SDCCAG8: variants seen among roughly 807,000 people sequenced by gnomAD.
The protein encoded by SDCCAG8 is SHH signaling and ciliogenesis regulator SDCCAG8.
In SDCCAG8, 74 loss-of-function variants were observed where a neutral mutation model predicts 101.8. That is an observed-to-expected ratio of 0.73 (90% CI 0.60 to 0.88). The LOEUF (loss-of-function observed/expected upper bound fraction) is 0.88, where lower values mean the gene tolerates loss of function less well. SDCCAG8 is among the 40% of genes least tolerant of loss of function. The probability of loss-of-function intolerance (pLI) is 0.00; values close to 1 mark genes in which losing one functional copy is unlikely to be tolerated. For synonymous variants in SDCCAG8, 281 were observed against 292.9 expected, an observed-to-expected ratio of 0.96 and a Z score of 0.41; for missense variants, 787 against 822.6, an observed-to-expected ratio of 0.96 and a Z score of 0.53.
At chr1:243,494,097 C>T (rs3006927) in intron 17 of SDCCAG8, among the ~76,000 whole-genome samples, 127,856 of 152,204 alleles carry the variant, frequency 0.84, 53,907 homozygotes, top group Admixed American at 0.9. Flanking sequence ...AGACAGATGG[C>T]GCTTGAATAG....
chr1:243,408,012 A>C (rs763302547), intron 13 of SDCCAG8, among the ~76,000 whole-genome samples: 2 of 152,206 alleles, frequency 1.3e-5, no homozygotes, highest in Non-Finnish European at 2.9e-5. Flanking sequence ...GGAAGACATC[A>C]TGCTGTCTAC....
intron 10 of SDCCAG8, among the ~76,000 whole-genome samples, chr1:243,336,651 G>A (rs555013425): frequency 6.6e-6 from 1 of 152,242 alleles, no homozygotes; most frequent in South Asian, 2.1e-4. Context: ...AAACTGCCCC[G>A]ACGATCCAAT....
chr1:243,267,959 C>T, intron 1 of SDCCAG8: 8 of 785,258 alleles, frequency 1.0e-5, no homozygotes, highest in Middle Eastern at 2.4e-4. Flanking sequence ...GCAAAATAAT[C>T]AGGAAAGGTG....
chr1:243,456,607 T>G (rs565841284), intron 16 of SDCCAG8, among the ~76,000 whole-genome samples: 162 of 152,294 alleles, frequency 1.1e-3, no homozygotes, highest in African/African-American at 3.8e-3. Context: ...TTTGCTTTTA[T>G]TTTTATACCA....
At chr1:243,402,143 G>T (rs1050871654) in intron 13 of SDCCAG8, among the ~76,000 whole-genome samples, 41 of 152,048 alleles carry the variant, frequency 2.7e-4, no homozygotes, top group Non-Finnish European at 2.2e-4. Context: ...AAAAGTAAAA[G>T]GAGGCTGGGC....
intron 13 of SDCCAG8, among the ~76,000 whole-genome samples, chr1:243,400,830 C>G (rs1464113777): frequency 1.3e-5 from 2 of 152,118 alleles, no homozygotes. Flanking sequence ...TTTAGGCAAT[C>G]TCCTGCCAGG....
At chr1:243,407,534 G>A (rs891871517) in intron 13 of SDCCAG8, among the ~76,000 whole-genome samples, 1 of 152,204 alleles carries the variant, frequency 6.6e-6, no homozygotes, top group Admixed American at 6.5e-5. Context: ...TTGTGCATAT[G>A]TAATAGAAAC....
intron 16 of SDCCAG8, among the ~76,000 whole-genome samples, chr1:243,473,922 C>A (rs9428964): frequency 5.1e-4 from 4 of 7,782 alleles, no homozygotes; most frequent in Non-Finnish European, 1.0e-3. Context: ...GAGTTGCCGG[C>A]GGGGGGGGGG....
At chr1:243,477,192 A>G (rs1036597799) in intron 16 of SDCCAG8, among the ~76,000 whole-genome samples, 1 of 152,228 alleles carries the variant, frequency 6.6e-6, no homozygotes, top group African/African-American at 2.4e-5. Context: ...GGACGGCTTT[A>G]GGGTGAGGTA....
intron 13 of SDCCAG8, among the ~76,000 whole-genome samples, chr1:243,389,394 A>G (rs1410573532): frequency 2.0e-5 from 3 of 152,172 alleles, no homozygotes; most frequent in Non-Finnish European, 4.4e-5. Flanking sequence ...AAGCACAGCT[A>G]AATCTCTAGC....
At chr1:243,356,116 G>T (rs1183655439) in intron 12 of SDCCAG8, among the ~76,000 whole-genome samples, 1 of 152,168 alleles carries the variant, frequency 6.6e-6, no homozygotes, top group Non-Finnish European at 1.5e-5. Flanking sequence ...GCTATGCAAG[G>T]TTTTATATAA....
At chr1:243,429,695 A>ATTTT (rs796450909) in intron 16 of SDCCAG8, among the ~76,000 whole-genome samples, 36 of 92,914 alleles carry the variant, frequency 3.9e-4, no homozygotes, top group African/African-American at 7.0e-4. Flanking sequence ...TGCTCTGCTA[A>ATTTT]TTTTTTTTTT....
At chr1:243,483,080 C>T (rs1664069676) in intron 16 of SDCCAG8, among the ~76,000 whole-genome samples, 1 of 152,198 alleles carries the variant, frequency 6.6e-6, no homozygotes, top group South Asian at 2.1e-4. Context: ...CAAGAAATTG[C>T]ACTCTCTCAA....
chr1:243,410,227 T>G (rs1258582802), intron 13 of SDCCAG8, among the ~76,000 whole-genome samples: 1 of 152,170 alleles, frequency 6.6e-6, no homozygotes, highest in Non-Finnish European at 1.5e-5. Context: ...AATTGGTGAA[T>G]ACTACCAAAG....
chr1:243,481,726 A>G (rs754051191), intron 16 of SDCCAG8, among the ~76,000 whole-genome samples: 5 of 152,222 alleles, frequency 3.3e-5, no homozygotes, highest in Non-Finnish European at 4.4e-5. Flanking sequence ...GAGTGACCAC[A>G]GGGAGGAGGC....
intron 5 of SDCCAG8, 152 bp from the exon 6 acceptor site, chr1:243,292,939 T>G: frequency 1.1e-6 from 1 of 934,688 alleles, no homozygotes; most frequent in South Asian, 1.4e-5. Context: ...ATGACCCTAA[T>G]AGCCTGAAAA....
intron 1 of SDCCAG8, among the ~76,000 whole-genome samples, chr1:243,256,772 G>A (rs1234248130): frequency 1.3e-5 from 2 of 152,242 alleles, no homozygotes; most frequent in African/African-American, 4.8e-5. Flanking sequence ...GCGAAGCTCA[G>A]AGAGGTTGAA....
chr1:243,267,294 T>G (rs1256871053), intron 1 of SDCCAG8: 1 of 216,926 alleles, frequency 4.6e-6, no homozygotes, highest in Non-Finnish European at 9.2e-6. Context: ...ATCTTATGGA[T>G]TCTTCTTTTA....
rs192706745 is a variant in SDCCAG8 at position 243,355,089 on chromosome 1, T to G, written c.1473+10758T>G. ...TGCAAGGTGTTTAGAGTTTTCATAT[T>G]ACTCTTCTTAACAGATGGTCAAGTT... On this transcript the variant is annotated intron_variant, in intron 12 of 17. Coordinates refer to ENST00000366541, the MANE Select transcript of SDCCAG8 (RefSeq NM_006642.5). Among the ~76,000 whole-genome samples, 13 of 152,340 alleles carry G rather than the reference T, an allele frequency of 8.5e-5. No individual in the cohort carries two copies. In the East Asian group the frequency reaches 2.5e-3, roughly 29 times the overall value.
Sources: gnomAD v4.1 joint callset for allele counts (sites outside exome capture counted in the v4.1 genomes callset) on GRCh38, gnomAD v4.1.1 for gene constraint, MANE v1.5 for transcripts, NCBI Gene and HGNC (gene_info 2026-07-23, HGNC 2026-07-21) for gene names.